Variants in KALRN observed in about 807,000 individuals in gnomAD.
KALRN encodes the protein kalirin RhoGEF kinase, also known as kalirin.
Under a neutral mutation model 353.7 loss-of-function variants are expected in KALRN, and 70 were observed. That is an observed-to-expected ratio of 0.20 (90% CI 0.16 to 0.24). The LOEUF (loss-of-function observed/expected upper bound fraction) is 0.24, where lower values mean the gene tolerates loss of function less well. KALRN is among the 10% of genes least tolerant of loss of function. The pLI is 1.00. For synonymous variants in KALRN, 1,391 were observed against 1,434.8 expected (o/e 0.97, Z 0.69); for missense variants, 2,791 against 3,756.7 (o/e 0.74, Z 6.72).
chr3:124,284,257 C>T (rs2075624862), intron 5 of KALRN, among the ~76,000 whole-genome samples: 1 of 152,232 alleles, frequency 6.6e-6, no homozygotes, highest in Admixed American at 6.5e-5. Flanking sequence ...TGAGCTATCA[C>T]TCCCCTCCAG....
chr3:124,236,136 A>AT (rs1437033035), intron 3 of KALRN, among the ~76,000 whole-genome samples: 2 of 150,976 alleles, frequency 1.3e-5, no homozygotes, highest in African/African-American at 2.4e-5. Flanking sequence ...TAGATGCTGA[A>AT]TAGTGTCTGT....
intron 1 of KALRN, among the ~76,000 whole-genome samples, chr3:124,036,848 C>T (rs1395081642): frequency 6.6e-6 from 1 of 152,204 alleles, no homozygotes; most frequent in Admixed American, 6.5e-5. Context: ...TGTTTGTCCT[C>T]TTCTGATCAT....
At chr3:124,506,413 T>C (rs2065237003) in intron 33 of KALRN, among the ~76,000 whole-genome samples, 1 of 152,240 alleles carries the variant, frequency 6.6e-6, no homozygotes, top group African/African-American at 2.4e-5. Context: ...TCTCTCCCAT[T>C]TGTAGGAACT....
intron 59 of KALRN, among the ~76,000 whole-genome samples, chr3:124,718,206 C>T (rs184866509): frequency 1.0e-4 from 15 of 150,510 alleles, no homozygotes; most frequent in Admixed American, 7.3e-4. Context: ...ACTGCAACCT[C>T]TACCTCCCAG....
chr3:124,577,907 T>C (rs1449399185), intron 34 of KALRN, among the ~76,000 whole-genome samples: 2 of 151,822 alleles, frequency 1.3e-5, no homozygotes, highest in Non-Finnish European at 2.9e-5. Context: ...CCCCACCATA[T>C]TTGGAGTTCA....
chr3:124,661,967 G>A (rs1162952559), intron 45 of KALRN, 39 bp downstream of exon 45: 1 of 1,522,566 alleles, frequency 6.6e-7, no homozygotes, highest in South Asian at 1.1e-5. Context: ...ACTCTCTCCA[G>A]GACAATAGGA....
At chr3:124,360,119 G>T (rs1353828779) in intron 10 of KALRN, among the ~76,000 whole-genome samples, 1 of 152,270 alleles carries the variant, frequency 6.6e-6, no homozygotes, top group Non-Finnish European at 1.5e-5. Flanking sequence ...CCAAGGTGGA[G>T]GCTGGACAGT....
chr3:124,506,746 T>C (rs2065274815), intron 33 of KALRN, among the ~76,000 whole-genome samples: 1 of 152,272 alleles, frequency 6.6e-6, no homozygotes, highest in Non-Finnish European at 1.5e-5. Context: ...CTAGTGTCCT[T>C]TCTGCAAGAA....
chr3:124,453,961 T>C (rs565697966), intron 21 of KALRN, among the ~76,000 whole-genome samples: 1 of 152,350 alleles, frequency 6.6e-6, no homozygotes, highest in African/African-American at 2.4e-5. Context: ...AAGATTTTTT[T>C]CCTTTTGTTT....
chr3:124,481,922 C>G (rs907660837), intron 27 of KALRN, among the ~76,000 whole-genome samples: 3 of 152,106 alleles, frequency 2.0e-5, no homozygotes, highest in African/African-American at 7.2e-5. Context: ...AGTTCATGTG[C>G]GTTGAGTATT....
Position 124,722,679 on chromosome 3 carries a change from T to C in KALRN, c.*3209T>C, listed in dbSNP as rs146780928. The C allele has an allele frequency of 6.0e-4, 91 of 152,272 alleles. No individual in the cohort carries two copies. Among genetic ancestry groups the C allele is most frequent in the African/African-American group, 2.1e-3 (88 of 41,548 alleles). The allele number at this position is 152,272 out of a possible 1,614,324, so 9.4% of individuals were successfully genotyped here. A position where few individuals can be genotyped will look rare whatever the true frequency, so the allele number is the denominator to read the frequency against. On this transcript the variant is annotated 3_prime_UTR_variant, in exon 60 of 60. Coordinates refer to ENST00000682506, the MANE Select transcript of KALRN (RefSeq NM_001388419.1). ...AGGGAAAAAGGATCAGGGGCCACTC[T>C]TGTTCCTGTTTTGGCGGAGAGATTT...
intron 1 of KALRN, among the ~76,000 whole-genome samples, chr3:124,145,617 C>T (rs1325316599): frequency 2.6e-5 from 4 of 152,204 alleles, no homozygotes; most frequent in South Asian, 2.1e-4. Flanking sequence ...TTCACATAAA[C>T]GTCTACTGAG....
intron 33 of KALRN, among the ~76,000 whole-genome samples, chr3:124,538,359 A>G (rs557043678): frequency 4.6e-5 from 7 of 152,206 alleles, no homozygotes; most frequent in Middle Eastern, 3.4e-3. Context: ...GAGGAGCACT[A>G]TTTGTCTTAA....
Position 124,719,096 on chromosome 3 carries a change from A to T in KALRN, c.8587A>T (p.Ile2863Phe). Residue 2863 changes from isoleucine to phenylalanine, a missense_variant, in exon 60 of 60, where the codon ATC becomes TTC. Physicochemically the swap from Ile to Phe is conservative, Grantham distance 21. Coordinates refer to ENST00000682506, the MANE Select transcript of KALRN (RefSeq NM_001388419.1). The surrounding 1 kb of genome is among the most constrained non-coding windows in gnomAD (Gnocchi z 5.3). ...CATCCCCGTCTCCCTGGGGACAGAC[A>T]TCTGGAGCATCGGGGTTCTGACATA... is the stretch of plus-strand genomic sequence containing the variant. Reference protein sequence around the residue: ...QGIPVSLGTDIWSIGVLTYVM... With the variant: ...QGIPVSLGTDFWSIGVLTYVM... The T allele has an allele frequency of 6.2e-7, 1 of 1,614,244 alleles. No individual in the cohort carries two copies. The highest frequency in any genetic ancestry group is 8.5e-7 in the Non-Finnish European group (1 of 1,180,036).
intron 1 of KALRN, among the ~76,000 whole-genome samples, chr3:124,159,655 C>T (rs991629665): frequency 6.6e-6 from 1 of 151,462 alleles, no homozygotes; most frequent in African/African-American, 2.4e-5. Context: ...TCTAGCTGTG[C>T]AGTAGCCCAT....
intron 1 of KALRN, among the ~76,000 whole-genome samples, chr3:124,170,568 G>T (rs763008974): frequency 6.6e-6 from 1 of 152,142 alleles, no homozygotes. Flanking sequence ...AGAGTTGTTG[G>T]CTGTGACCAA....
intron 1 of KALRN, among the ~76,000 whole-genome samples, chr3:124,210,999 C>T (rs913603452): frequency 1.3e-5 from 2 of 152,326 alleles, no homozygotes; most frequent in Admixed American, 6.5e-5. Flanking sequence ...CACATTTCCT[C>T]TAAGTTATTA....
intron 15 of KALRN, among the ~76,000 whole-genome samples, chr3:124,424,834 G>A (rs1305694574): frequency 1.3e-5 from 2 of 152,160 alleles, no homozygotes; most frequent in East Asian, 3.8e-4. Flanking sequence ...GGGAGAAGTG[G>A]TGTTATGCTT....
chr3:124,172,656 G>A (rs779996554), intron 1 of KALRN, among the ~76,000 whole-genome samples: 1 of 151,860 alleles, frequency 6.6e-6, no homozygotes, highest in Non-Finnish European at 1.5e-5. Flanking sequence ...TGCCAGGGGC[G>A]CCCCTGGAAC....
Sources: gnomAD v4.1 joint callset for allele counts (sites outside exome capture counted in the v4.1 genomes callset) on GRCh38, gnomAD v4.1.1 for gene constraint, Gnocchi (gnomAD v3.1) non-coding constraint, MANE v1.5 for transcripts, NCBI Gene and HGNC (gene_info 2026-07-23, HGNC 2026-07-21) for gene names.